The following ATP6V1C2 variants were observed in gnomAD, a reference collection of about 807,000 sequenced individuals.
ATP6V1C2 encodes ATPase H+ transporting V1 subunit C2.
In ATP6V1C2, 45 loss-of-function variants were observed where a neutral mutation model predicts 56.8. That is an observed-to-expected ratio of 0.79 (90% CI 0.62 to 1.02). The LOEUF is 1.02. ATP6V1C2 is among the 50% of genes least tolerant of loss of function. The pLI is 0.00. For missense variants in ATP6V1C2, 463 were observed against 519.7 expected (o/e 0.89, Z 1.06); for synonymous variants, 220 against 201.3 (o/e 1.09, Z -0.79).
intron 3 of ATP6V1C2, among the ~76,000 whole-genome samples, chr2:10,742,943 A>T (rs2148437981): frequency 6.6e-6 from 1 of 152,066 alleles, no homozygotes; most frequent in East Asian, 1.9e-4. Flanking sequence ...TCCAGTCCCT[A>T]CCTGCCCTGC....
At position 10,746,125 on chromosome 2, in the gene ATP6V1C2, G is replaced by C. The variant is rs569540742; in HGVS notation, c.198-7856G>C. Among the ~76,000 whole-genome samples, 3 of 151,502 alleles carry C rather than the reference G, an allele frequency of 2.0e-5. No individual in the cohort carries two copies. In the East Asian group the frequency reaches 5.9e-4, roughly 30 times the overall value. On this transcript the variant is annotated intron_variant, in intron 3 of 13. Transcript: ENST00000272238. ...AGCAATTCTCCTGCCTCAGCCTCCC[G>C]AGTAGCTGGAACTACAGGTGTGTGC...
chr2:10,765,655 G>A (rs185975471), intron 5 of ATP6V1C2, among the ~76,000 whole-genome samples: 3 of 152,360 alleles, frequency 2.0e-5, no homozygotes, highest in African/African-American at 7.2e-5. Context: ...CAGTGATTCT[G>A]GAAGGCCCTT....
chr2:10,739,545 C>G (rs1003979110), intron 3 of ATP6V1C2, among the ~76,000 whole-genome samples: 2 of 152,128 alleles, frequency 1.3e-5, no homozygotes, highest in Admixed American at 6.6e-5. Flanking sequence ...ACCCACCACC[C>G]CAGCCTAGCA....
intron 6 of ATP6V1C2, 127 bp from the exon 7 acceptor site, chr2:10,771,712 C>A: frequency 1.4e-6 from 1 of 738,452 alleles, no homozygotes; most frequent in South Asian, 1.6e-5. Flanking sequence ...TTCTCCTAGG[C>A]TCCAGCATCC....
At chr2:10,761,189 T>C (rs963002170) in intron 4 of ATP6V1C2, among the ~76,000 whole-genome samples, 4 of 152,046 alleles carry the variant, frequency 2.6e-5, no homozygotes, top group African/African-American at 9.7e-5. Flanking sequence ...TTGTGGGGAC[T>C]TGCCTGGGGT....
intron 5 of ATP6V1C2, 148 bp downstream of exon 5, chr2:10,764,573 G>A (rs1425803134): frequency 3.0e-6 from 2 of 672,912 alleles, no homozygotes; most frequent in African/African-American, 3.6e-5. Context: ...CACTGGGCAG[G>A]TTTGGGGTTT....
chr2:10,759,974 T>C (rs1249307251), intron 4 of ATP6V1C2, among the ~76,000 whole-genome samples: 1 of 152,130 alleles, frequency 6.6e-6, no homozygotes, highest in Non-Finnish European at 1.5e-5. Flanking sequence ...CTCGCCAATT[T>C]TTCATTGGCT....
rs1665257008 is a variant in ATP6V1C2, at chr2:10,780,074, C to A, written c.1061+1405C>A. ...CTGAGGAGCTCCTCATCCCTCCCTG[C>A]CGTCCCCCTGGCTGATGTCCCCTAC... On this transcript the variant is annotated intron_variant, in intron 12 of 13. Coordinates refer to ENST00000272238, the MANE Select transcript of ATP6V1C2 (RefSeq NM_001039362.2). This position sits in a 1 kb window ranked among gnomAD's most constrained non-coding sequence, Gnocchi z 4.1. Among the ~76,000 whole-genome samples the A allele has an allele frequency of 6.6e-6, 1 of 152,122 alleles. No homozygotes were observed. The highest frequency in any genetic ancestry group is 1.5e-5 in the Non-Finnish European group (1 of 68,014).
Position 10,784,962 on chromosome 2 carries a change from C to T in ATP6V1C2, c.*1699C>T. ...GCCATCCCTGCCGTCCCAAGGCTCTCTCTCAACGATGGTAGGGAAAGCCCC... is the reference window on the plus strand; with the variant it reads ...GCCATCCCTGCCGTCCCAAGGCTCTTTCTCAACGATGGTAGGGAAAGCCCC... On this transcript the variant is annotated 3_prime_UTR_variant, in exon 14 of 14. Coordinates refer to ENST00000272238, the MANE Select transcript of ATP6V1C2 (RefSeq NM_001039362.2). 1 of 1,591,732 alleles carries T rather than the reference C, an allele frequency of 6.3e-7. No individual in the cohort carries two copies. Among genetic ancestry groups the T allele is most frequent in the Non-Finnish European group, 8.6e-7 (1 of 1,167,806 alleles).
In ATP6V1C2 at chr2:10,780,388, A is replaced by G. The variant is rs1320452622; in HGVS notation, c.1061+1719A>G. ...GCCTCCTCTCTGTTCTTGGCCTCCAATTCCCCTTCCATGTGGCTGTCAGTG... is the reference window on the plus strand; with the variant it reads ...GCCTCCTCTCTGTTCTTGGCCTCCAGTTCCCCTTCCATGTGGCTGTCAGTG... On this transcript the variant is annotated intron_variant, in intron 12 of 13. Coordinates refer to ENST00000272238, the MANE Select transcript of ATP6V1C2 (RefSeq NM_001039362.2). The surrounding 1 kb of genome is among the most constrained non-coding windows in gnomAD (Gnocchi z 4.1). 6.6e-6 allele frequency among the ~76,000 whole-genome samples: 1 copy of G among 152,028 alleles called. No homozygotes were observed. The highest frequency in any genetic ancestry group is 2.4e-5 in the African/African-American group (1 of 41,376).
intron 7 of ATP6V1C2, 105 bp from the exon 8 acceptor site, chr2:10,772,437 T>C (rs1184095100): frequency 5.2e-6 from 5 of 962,152 alleles, no homozygotes; most frequent in African/African-American, 1.6e-5. Flanking sequence ...CCATCCCTGC[T>C]CACCTTCAGG....
In ATP6V1C2 at chr2:10,784,193, T is replaced by C. The variant is rs1665579702; in HGVS notation, c.*930T>C. 3 of 1,270,152 alleles carry C rather than the reference T, an allele frequency of 2.4e-6. No individual in the cohort carries two copies. In the South Asian group the frequency reaches 3.8e-5, roughly 16 times the overall value. The allele number at this position is 1,270,152 out of a possible 1,614,324, so 78.7% of individuals were successfully genotyped here. ...TCATCTGAGTGTAGAGAATGTCCCTTCACTGCTGGAAAAATCCACTGGCTC... is the reference window on the plus strand; with the variant it reads ...TCATCTGAGTGTAGAGAATGTCCCTCCACTGCTGGAAAAATCCACTGGCTC... On this transcript the variant is annotated 3_prime_UTR_variant, in exon 14 of 14. Transcript: ENST00000272238.
chr2:10,724,197 G>C lies in ATP6V1C2; in HGVS notation c.129+1219G>C, dbSNP rs1661515116. Among the ~76,000 whole-genome samples, 3 of 152,194 alleles carry C rather than the reference G, an allele frequency of 2.0e-5. No individual in the cohort carries two copies. In the South Asian group the frequency reaches 6.2e-4, roughly 31 times the overall value. On this transcript the variant is annotated intron_variant, in intron 2 of 13. Coordinates refer to ENST00000272238, the MANE Select transcript of ATP6V1C2 (RefSeq NM_001039362.2). ...CTGGTGAGATGGCACTGACTGCCCA[G>C]CATCTGCTCTTGTAGAAAACTGCCA...
rs1664247229 is a variant in ATP6V1C2, at chr2:10,766,774, A to T, written c.379-1945A>T. Among the ~76,000 whole-genome samples the T allele has an allele frequency of 2.0e-5, 3 of 152,144 alleles. No individual in the cohort carries two copies. The South Asian group carries it at 6.2e-4, about 32-fold the overall frequency. On this transcript the variant is annotated intron_variant, in intron 5 of 13. Coordinates refer to ENST00000272238, the MANE Select transcript of ATP6V1C2 (RefSeq NM_001039362.2). Reference sequence around the variant, plus strand: ...TGCAAAATAGTACTCATATAGTTGTATAGTTGCATAATGCCGTATACTATA... The same window carrying T: ...TGCAAAATAGTACTCATATAGTTGTTTAGTTGCATAATGCCGTATACTATA...
At chr2:10,731,710 A>T (rs1208447742) in intron 3 of ATP6V1C2, among the ~76,000 whole-genome samples, 1 of 152,188 alleles carries the variant, frequency 6.6e-6, no homozygotes, top group East Asian at 1.9e-4. Context: ...GCAGTAGCTC[A>T]TGCCTGTAAT....
intron 4 of ATP6V1C2, among the ~76,000 whole-genome samples, chr2:10,761,761 T>A (rs1232510285): frequency 6.6e-6 from 1 of 152,258 alleles, no homozygotes; most frequent in Non-Finnish European, 1.5e-5. Context: ...CCTTCTTATA[T>A]GGCCTCGAAT....
intron 3 of ATP6V1C2, among the ~76,000 whole-genome samples, chr2:10,739,197 C>A (rs149051089): frequency 0.01 from 1,570 of 152,242 alleles, 30 homozygotes; most frequent in African/African-American, 0.035. Context: ...GCAGGAGAAT[C>A]GCTTGAACCC....
chr2:10,726,651 C>T (rs1257338037), intron 3 of ATP6V1C2, 82 bp downstream of exon 3: 52 of 1,315,426 alleles, frequency 4.0e-5, no homozygotes, highest in Non-Finnish European at 5.0e-5. Context: ...TTTGGCTGAA[C>T]CGGAGTATGG....
chr2:10,741,996 G>T (rs534089672), intron 3 of ATP6V1C2, among the ~76,000 whole-genome samples: 9 of 151,806 alleles, frequency 5.9e-5, no homozygotes, highest in African/African-American at 2.2e-4. Flanking sequence ...CTGCAATCTC[G>T]CTTCCCGGGC....
Sources: gnomAD v4.1 joint callset for allele counts (sites outside exome capture counted in the v4.1 genomes callset) on GRCh38, gnomAD v4.1.1 for gene constraint, Gnocchi (gnomAD v3.1) non-coding constraint, MANE v1.5 for transcripts, NCBI Gene and HGNC (gene_info 2026-07-23, HGNC 2026-07-21) for gene names.